CANT1: variants seen among roughly 807,000 people sequenced by gnomAD.
CANT1 encodes soluble calcium-activated nucleotidase 1.
In CANT1, 26 loss-of-function variants were observed where a neutral mutation model predicts 30.0. The ratio of observed to expected loss-of-function variants is 0.87; its 90% CI spans 0.64 to 1.20. The LOEUF (loss-of-function observed/expected upper bound fraction) is 1.20. CANT1 is among the 50% of genes most tolerant of loss of function. The pLI, the probability that CANT1 is intolerant of heterozygous loss-of-function variation, is 0.00. For missense variants in CANT1, 518 were observed against 563.0 expected (o/e 0.92, Z 0.81); for synonymous variants, 246 against 251.8 (o/e 0.98, Z 0.22).
chr17:78,997,038 G>A lies in CANT1; in HGVS notation c.585C>T (p.Ala195=), dbSNP rs2071058436. The change falls in exon 3 of 5, where the codon GCC becomes GCT. Residue 195 remains alanine (A), a synonymous_variant. Transcript: ENST00000392446. The surrounding 1 kb of genome is among the most constrained non-coding windows in gnomAD (Gnocchi z 7.5). ...GVVYQIEGSK[A]VPWVILSDGD... is the part of the protein sequence containing the mutation. ...CGTCGGACAGAATCACCCAGGGCAC[G>A]GCTTTGCTGCCTTCGATCTGGTAGA... The A allele has an allele frequency of 6.8e-6, 11 of 1,614,214 alleles. No homozygotes were observed. The highest frequency in any genetic ancestry group is 9.3e-6 in the Non-Finnish European group (11 of 1,180,040).
chr17:78,999,240 C>T (rs2145843138), intron 1 of CANT1, among the ~76,000 whole-genome samples: 1 of 152,286 alleles, frequency 6.6e-6, no homozygotes, highest in Admixed American at 6.5e-5. Flanking sequence ...TCCAGGCCCG[C>T]AGGGAAGACT....
At position 78,995,237 on chromosome 17, in the gene CANT1, G is replaced by T. The variant is rs1205601062; in HGVS notation, c.632-16C>A. ...GCCTTGAAGCCTGGCCAAGCAGAGTGTCCTTAGGCCCCGCACCCAGCTCCC... is the reference window on the plus strand; with the variant it reads ...GCCTTGAAGCCTGGCCAAGCAGAGTTTCCTTAGGCCCCGCACCCAGCTCCC... On this transcript the variant is annotated splice_polypyrimidine_tract_variant and intron_variant, in intron 3 of 4. Coordinates refer to ENST00000392446, the MANE Select transcript of CANT1 (RefSeq NM_001159773.2). This position sits in a 1 kb window ranked among gnomAD's most constrained non-coding sequence, Gnocchi z 5.7. 5.0e-6 allele frequency: 8 copies of T among 1,610,758 alleles called. No individual in the cohort carries two copies. The highest frequency in any genetic ancestry group is 4.5e-5 in the East Asian group (2 of 44,860).
chr17:79,000,400 C>T (rs1418416134), intron 1 of CANT1: 1 of 152,914 alleles, frequency 6.5e-6, no homozygotes, highest in Non-Finnish European at 1.5e-5. Flanking sequence ...CATGGCCCTT[C>T]CTCACCATGC....
rs894013745 is a variant in CANT1, at chr17:78,993,913, G to C, written c.843C>G (p.Leu281=). The C allele has an allele frequency of 2.5e-6, 4 of 1,581,580 alleles. No individual in the cohort carries two copies. The African/African-American group carries it at 5.4e-5, about 21-fold the overall frequency. ...AAAGIQPPGY[L]IHESACWSDT... ...CACTCCAGCAGGCAGACTCATGGAT[G>C]AGGTAGCCTGGGAACCGGGTGACCG... Residue 281 remains leucine, a synonymous_variant, in exon 5 of 5, where the codon CTC becomes CTG. Coordinates refer to ENST00000392446, the MANE Select transcript of CANT1 (RefSeq NM_001159773.2). This position sits in a 1 kb window ranked among gnomAD's most constrained non-coding sequence, Gnocchi z 4.5.
chr17:78,997,431 CGGGCGGT>C lies in CANT1; in HGVS notation c.185_191del (p.His62ArgfsTer66), dbSNP rs1568036855. On this transcript the variant is annotated frameshift_variant, in exon 3 of 5. Transcript: ENST00000392446. LOFTEE classifies it high-confidence loss of function. This position sits in a 1 kb window ranked among gnomAD's most constrained non-coding sequence, Gnocchi z 7.5. ...TGTGGGTGGGGGGCCTGCCGGGGGCCGGGCGGTGGGAGCAGAGCAGCCAGAGGATGGC... is the reference window on the plus strand; with the variant it reads ...TGTGGGTGGGGGGCCTGCCGGGGGCCGGGAGCAGAGCAGCCAGAGGATGGC... 6.4e-7 allele frequency: 1 copy of C among 1,551,562 alleles called. No homozygotes were observed. The highest frequency in any genetic ancestry group is 1.4e-5 in the African/African-American group (1 of 72,618).
rs996743228 is a variant in CANT1 at position 78,996,866 on chromosome 17, G to A, written c.631+126C>T. The A allele has an allele frequency of 4.6e-6, 6 of 1,318,232 alleles. No individual in the cohort carries two copies. Among genetic ancestry groups the A allele is most frequent in the East Asian group, 2.3e-5 (1 of 43,628 alleles). 81.7% of individuals were successfully genotyped at this position (1,318,232 alleles called of 1,614,324 possible). A position where few individuals can be genotyped will look rare whatever the true frequency, so the allele number is the denominator to read the frequency against. ...CCGCAGGTCAGAGCAAGAGGGAGACGTGCTCCCTCACCACATCCCTGGCTT... is the reference window on the plus strand; with the variant it reads ...CCGCAGGTCAGAGCAAGAGGGAGACATGCTCCCTCACCACATCCCTGGCTT... On this transcript the variant is annotated intron_variant, in intron 3 of 4. Coordinates refer to ENST00000392446, the MANE Select transcript of CANT1 (RefSeq NM_001159773.2). The surrounding 1 kb of genome is among the most constrained non-coding windows in gnomAD (Gnocchi z 5.1).
chr17:78,992,117 C>G lies in CANT1; in HGVS notation c.*1433G>C. The G allele has an allele frequency of 4.3e-6, 1 of 232,426 alleles. No homozygotes were observed. Among genetic ancestry groups the G allele is most frequent in the South Asian group, 1.8e-4 (1 of 5,526 alleles). 14.4% of individuals were successfully genotyped at this position (232,426 alleles called of 1,614,324 possible). A position where few individuals can be genotyped will look rare whatever the true frequency, so the allele number is the denominator to read the frequency against. The stretch of plus-strand genomic sequence containing the variant: ...TCAGAAATGCGTCACATTCAGCGTT[C>G]ACTTCCTTCGCTTCCTCCACTACCT... On this transcript the variant is annotated 3_prime_UTR_variant, in exon 5 of 5. Coordinates refer to ENST00000392446, the MANE Select transcript of CANT1 (RefSeq NM_001159773.2).
Position 78,992,602 on chromosome 17 carries a change from A to T in CANT1, c.*948T>A. ...CACAGACCCTAGGCAGGGAATAAAA[A>T]ATTCAAGTCATTCACAGAAGTCTTG... is the stretch of plus-strand genomic sequence containing the variant. On this transcript the variant is annotated 3_prime_UTR_variant, in exon 5 of 5. Coordinates refer to ENST00000392446, the MANE Select transcript of CANT1 (RefSeq NM_001159773.2). The T allele has an allele frequency of 2.1e-6, 1 of 474,652 alleles. No homozygotes were observed. Among genetic ancestry groups the T allele is most frequent in the South Asian group, 1.8e-5 (1 of 57,080 alleles). 29.4% of individuals were successfully genotyped at this position (474,652 alleles called of 1,614,324 possible).
Position 78,996,819 on chromosome 17 carries a change from C to T in CANT1, c.631+173G>A. On this transcript the variant is annotated intron_variant, in intron 3 of 4. Transcript: ENST00000392446. The surrounding 1 kb of genome is among the most constrained non-coding windows in gnomAD (Gnocchi z 5.1). Reference sequence around the variant, plus strand: ...CAGTGTGAAGTGACAGTAGGCTATGCTCCTGGCTAAGGGTAAGGGGGCCGC... The same window carrying T: ...CAGTGTGAAGTGACAGTAGGCTATGTTCCTGGCTAAGGGTAAGGGGGCCGC... 1 of 880,326 alleles carries T rather than the reference C, an allele frequency of 1.1e-6. No individual in the cohort carries two copies. The highest frequency in any genetic ancestry group is 1.9e-6 in the Non-Finnish European group (1 of 527,600). The allele number at this position is 880,326 out of a possible 1,614,324, so 54.5% of individuals were successfully genotyped here.
In CANT1 at chr17:78,993,612, G is replaced by A. The variant is rs1471248002; in HGVS notation, c.1144C>T (p.Arg382Cys). 2 of 1,614,126 alleles carry A rather than the reference G, an allele frequency of 1.2e-6. No individual in the cohort carries two copies. The highest frequency in any genetic ancestry group is 1.3e-5 in the African/African-American group (1 of 74,950). Residue 382 changes from arginine to cysteine, a missense_variant, in exon 5 of 5, where the codon CGC becomes TGC. Around this residue, in one of 3 missense-constraint regions of CANT1, gnomAD observed 221 missense variants for 211.8 expected, o/e 1.04. Transcript: ENST00000392446. The surrounding 1 kb of genome is among the most constrained non-coding windows in gnomAD (Gnocchi z 4.5). The part of the protein sequence containing the change: ...SYIMAFTLDG[R>C]FLLPETKIGS... ...ATCTTGGTCTCCGGCAACAGGAAGCGCCCGTCCAGCGTGAAGGCCATGATG... is the reference window on the plus strand; with the variant it reads ...ATCTTGGTCTCCGGCAACAGGAAGCACCCGTCCAGCGTGAAGGCCATGATG...
At chr17:79,000,481 T>C (rs2071217612) in intron 1 of CANT1, among the ~76,000 whole-genome samples, 1 of 140,160 alleles carries the variant, frequency 7.1e-6, no homozygotes, top group South Asian at 2.5e-4. Flanking sequence ...CGCCATGAAG[T>C]TGCCCTGCCA....
At position 78,992,964 on chromosome 17, in the gene CANT1, C is replaced by G. The variant is rs201955120; in HGVS notation, c.*586G>C. 25 of 355,252 alleles carry G rather than the reference C, an allele frequency of 7.0e-5. No homozygotes were observed. In the East Asian group the frequency reaches 7.6e-4, roughly 11 times the overall value. 22.0% of individuals were successfully genotyped at this position (355,252 alleles called of 1,614,324 possible). On this transcript the variant is annotated 3_prime_UTR_variant, in exon 5 of 5. Coordinates refer to ENST00000392446, the MANE Select transcript of CANT1 (RefSeq NM_001159773.2). Reference sequence around the variant, plus strand: ...GATGGTTTTATCTGAGGCCTGAGAACCAACAGATGTGCCTGCGCCCTGGCC... The same window carrying G: ...GATGGTTTTATCTGAGGCCTGAGAAGCAACAGATGTGCCTGCGCCCTGGCC...
At position 78,991,995 on chromosome 17, in the gene CANT1, C is replaced by T. The variant is rs767743350; in HGVS notation, c.*1555G>A. 2 of 231,554 alleles carry T rather than the reference C, an allele frequency of 8.6e-6. No homozygotes were observed. The highest frequency in any genetic ancestry group is 1.1e-4 in the Admixed American group (2 of 17,712). 14.3% of individuals were successfully genotyped at this position (231,554 alleles called of 1,614,324 possible). Reference sequence around the variant, plus strand: ...ATTTTAAATGACCCAGCCTGGACATCAAGGACAATGATCTAGGAGGCGGGT... The same window carrying T: ...ATTTTAAATGACCCAGCCTGGACATTAAGGACAATGATCTAGGAGGCGGGT... On this transcript the variant is annotated 3_prime_UTR_variant, in exon 5 of 5. Coordinates refer to ENST00000392446, the MANE Select transcript of CANT1 (RefSeq NM_001159773.2).
chr17:79,007,080 C>T (rs2071579983), intron 1 of CANT1, among the ~76,000 whole-genome samples: 1 of 152,236 alleles, frequency 6.6e-6, no homozygotes, highest in African/African-American at 2.4e-5. Context: ...CGGGGAGCAG[C>T]GTCCTGCCTG....
At position 79,001,775 on chromosome 17, in the gene CANT1, C is replaced by T. The variant is rs528604852; in HGVS notation, c.-146-3812G>A. Among the ~76,000 whole-genome samples, 19 of 152,270 alleles carry T rather than the reference C, an allele frequency of 1.2e-4. No homozygotes were observed. The East Asian group carries it at 3.1e-3, about 25-fold the overall frequency. Reference sequence around the variant, plus strand: ...TCTTCTCGGCCCCCACTGCTGGCAGCCCACTGACCTCTCCCAGGGCCTGCC... The same window carrying T: ...TCTTCTCGGCCCCCACTGCTGGCAGTCCACTGACCTCTCCCAGGGCCTGCC... On this transcript the variant is annotated intron_variant, in intron 1 of 4. Transcript: ENST00000392446.
rs947997546 is a variant in CANT1 at position 78,995,880 on chromosome 17, T to C, written c.632-659A>G. 6.6e-6 allele frequency among the ~76,000 whole-genome samples: 1 copy of C among 152,030 alleles called. No homozygotes were observed. The highest frequency in any genetic ancestry group is 1.5e-5 in the Non-Finnish European group (1 of 67,994). ...CTGTGCCCTCTGAACTGCCCGAGAC[T>C]GTAGTAGCTTCTCTGCAGGGCCCTG... On this transcript the variant is annotated intron_variant, in intron 3 of 4. Transcript: ENST00000392446. This position sits in a 1 kb window ranked among gnomAD's most constrained non-coding sequence, Gnocchi z 5.7.
chr17:78,997,602 C>G lies in CANT1; in HGVS notation c.21G>C (p.Glu7Asp), dbSNP rs755452809. The change falls in exon 3 of 5, where the codon GAG becomes GAC. Residue 7 changes from glutamate (E) to aspartate (D), a missense_variant. Transcript: ENST00000392446. This position sits in a 1 kb window ranked among gnomAD's most constrained non-coding sequence, Gnocchi z 7.5. MPVQLSEHPEWNESMHS... is the reference protein window; with the variant it reads MPVQLSDHPEWNESMHS... ...GCATAGACTCATTCCATTCCGGGTGCTCAGACAGCTGCACGGGCATCAGCG... is the reference window on the plus strand; with the variant it reads ...GCATAGACTCATTCCATTCCGGGTGGTCAGACAGCTGCACGGGCATCAGCG... 1.8e-5 allele frequency: 28 copies of G among 1,566,932 alleles called. No individual in the cohort carries two copies. Among genetic ancestry groups the G allele is most frequent in the Non-Finnish European group, 2.4e-5 (28 of 1,155,754 alleles).
At position 78,993,633 on chromosome 17, in the gene CANT1, T is replaced by G; in HGVS notation, c.1123A>C (p.Met375Leu). 1 of 1,614,234 alleles carries G rather than the reference T, an allele frequency of 6.2e-7. No homozygotes were observed. The highest frequency in any genetic ancestry group is 2.2e-5 in the East Asian group (1 of 44,878). ...AAGCGCCCGTCCAGCGTGAAGGCCATGATGTAGGAGGCGACTCTGCCGCTG... is the reference window on the plus strand; with the variant it reads ...AAGCGCCCGTCCAGCGTGAAGGCCAGGATGTAGGAGGCGACTCTGCCGCTG... Reference protein sequence around the residue: ...EDSGRVASYIMAFTLDGRFLL... With the variant: ...EDSGRVASYILAFTLDGRFLL... Residue 375 changes from methionine to leucine, a missense_variant, in exon 5 of 5, where the codon ATG becomes CTG. Met to Leu is a conservative substitution (Grantham distance 15). Around this residue, in one of 3 missense-constraint regions of CANT1, gnomAD observed 221 missense variants for 211.8 expected, o/e 1.04. Coordinates refer to ENST00000392446, the MANE Select transcript of CANT1 (RefSeq NM_001159773.2). This position sits in a 1 kb window ranked among gnomAD's most constrained non-coding sequence, Gnocchi z 4.5.
In CANT1 at chr17:78,993,865, G is replaced by A. The variant is rs1317108691; in HGVS notation, c.891C>T (p.Phe297=). 1.9e-6 allele frequency: 3 copies of A among 1,597,216 alleles called. No homozygotes were observed. The African/African-American group carries it at 4.0e-5, about 21-fold the overall frequency. ...GCTCCTGGCTGGCGCGGCGCGGCAGGAAGAACCAGCGCTGCAGCGTGTCAC... is the reference window on the plus strand; with the variant it reads ...GCTCCTGGCTGGCGCGGCGCGGCAGAAAGAACCAGCGCTGCAGCGTGTCAC... ...CWSDTLQRWF[F]LPRRASQERY... Residue 297 remains phenylalanine, a synonymous_variant, in exon 5 of 5, where the codon TTC becomes TTT. Coordinates refer to ENST00000392446, the MANE Select transcript of CANT1 (RefSeq NM_001159773.2). The surrounding 1 kb of genome is among the most constrained non-coding windows in gnomAD (Gnocchi z 4.5).
Sources: gnomAD v4.1 joint callset for allele counts (sites outside exome capture counted in the v4.1 genomes callset) on GRCh38, gnomAD v4.1.1 for gene constraint, gnomAD v4.1.1 regional missense constraint, Gnocchi (gnomAD v3.1) non-coding constraint, MANE v1.5 for transcripts, NCBI Gene and HGNC (gene_info 2026-07-23, HGNC 2026-07-21) for gene names.